Variants in PCNT observed in about 807,000 individuals in gnomAD.
The protein encoded by PCNT is kendrin.
In PCNT, 319 loss-of-function variants were observed where a neutral mutation model predicts 380.4. That is an observed-to-expected ratio of 0.84 (90% CI 0.77 to 0.92). The LOEUF is 0.92. Among genes scored for constraint, PCNT ranks in the 40% least tolerant of loss-of-function variants. The pLI is 0.00. For missense variants in PCNT, 4,400 were observed against 4,255.3 expected, an observed-to-expected ratio of 1.03 and a Z score of -0.95; for synonymous variants, 1,845 against 1,735.2, an observed-to-expected ratio of 1.06 and a Z score of -1.57.
intron 3 of PCNT, among the ~76,000 whole-genome samples, chr21:46,341,515 C>T (rs2083909182): frequency 6.6e-6 from 1 of 151,798 alleles, no homozygotes. Flanking sequence ...TTTCTCACGT[C>T]TAGTAAGGCA....
chr21:46,430,798 CTG>C, intron 37 of PCNT, 141 bp downstream of exon 37: 2 of 1,517,646 alleles, frequency 1.3e-6, no homozygotes, highest in Admixed American at 4.0e-5. Flanking sequence ...CAGGATAGGG[CTG>C]TGTTTGCAGG....
At chr21:46,393,962 T>C (rs562317103) in intron 21 of PCNT, among the ~76,000 whole-genome samples, 1 of 152,310 alleles carries the variant, frequency 6.6e-6, no homozygotes, top group Admixed American at 6.5e-5. Flanking sequence ...CGGGAGTGGA[T>C]CTCATGGAGC....
intron 2 of PCNT, among the ~76,000 whole-genome samples, chr21:46,328,024 G>A (rs1019739196): frequency 1.3e-5 from 2 of 152,230 alleles, no homozygotes; most frequent in Non-Finnish European, 1.5e-5. Context: ...GGCCTTAGGT[G>A]TTGAGTGTCC....
intron 40 of PCNT, 40 bp downstream of exon 40, chr21:46,437,121 C>CTGGGGGAGGAG: frequency 2.9e-6 from 4 of 1,381,828 alleles, no homozygotes; most frequent in Non-Finnish European, 4.1e-6. Context: ...CCTGGCTCCT[C>CTGGGGGAGGAG]CCCCAGAGGG....
At chr21:46,411,077 A>G in intron 27 of PCNT, 112 bp from the exon 28 acceptor site, 1 of 1,137,214 alleles carries the variant, frequency 8.8e-7, no homozygotes. Context: ...TTTGTTTTTC[A>G]CGCTATGGAG....
At chr21:46,329,993 A>T (rs544410397) in intron 2 of PCNT, among the ~76,000 whole-genome samples, 3 of 152,182 alleles carry the variant, frequency 2.0e-5, no homozygotes, top group Non-Finnish European at 4.4e-5. Flanking sequence ...CTTCCTGTCC[A>T]TTGGCTCTAA....
chr21:46,439,258 C>T (rs1227937287), intron 41 of PCNT, among the ~76,000 whole-genome samples: 1 of 152,176 alleles, frequency 6.6e-6, no homozygotes, highest in African/African-American at 2.4e-5. Context: ...CTCCGCCTGC[C>T]ACAGGCCCTG....
At chr21:46,371,797 G>A (rs1220988163) in intron 15 of PCNT, among the ~76,000 whole-genome samples, 1 of 151,116 alleles carries the variant, frequency 6.6e-6, no homozygotes, top group Non-Finnish European at 1.5e-5. Flanking sequence ...CACAGCACAT[G>A]TGCACACACA....
At chr21:46,406,613 G>A (rs1229678529) in intron 27 of PCNT, among the ~76,000 whole-genome samples, 7 of 152,086 alleles carry the variant, frequency 4.6e-5, no homozygotes, top group Admixed American at 1.3e-4. Flanking sequence ...TTATTACAAT[G>A]TCTAGCACTC....
At chr21:46,350,566 G>A (rs185526809) in intron 8 of PCNT, among the ~76,000 whole-genome samples, 1 of 152,344 alleles carries the variant, frequency 6.6e-6, no homozygotes, top group Admixed American at 6.5e-5. Flanking sequence ...AGAAATTAAA[G>A]CATAAATCAG....
chr21:46,410,434 G>T (rs1359343194), intron 27 of PCNT, among the ~76,000 whole-genome samples: 2 of 152,176 alleles, frequency 1.3e-5, no homozygotes, highest in Non-Finnish European at 2.9e-5. Flanking sequence ...AATTGTTAGA[G>T]CACAAATGGA....
Position 46,360,380 on chromosome 21 carries a change from C to T in PCNT, c.2155-3100C>T, listed in dbSNP as rs1246157995. 4.5e-5 allele frequency among the ~76,000 whole-genome samples: 4 copies of T among 88,386 alleles called. No homozygotes were observed. The East Asian group carries it at 9.1e-4, about 20-fold the overall frequency. 58.0% of individuals were successfully genotyped at this position (88,386 alleles called of 152,430 possible). A position where few individuals can be genotyped will look rare whatever the true frequency, so the allele number is the denominator to read the frequency against. On this transcript the variant is annotated intron_variant, in intron 13 of 46. Coordinates refer to ENST00000359568, the MANE Select transcript of PCNT (RefSeq NM_006031.6). ...CTGGGACTACAGGCGCCCGCCACCA[C>T]GCCTGGCTAGTTTTTTTTTTACATT...
intron 38 of PCNT, among the ~76,000 whole-genome samples, chr21:46,433,655 G>T (rs2148005821): frequency 1.3e-5 from 2 of 152,224 alleles, no homozygotes; most frequent in Non-Finnish European, 2.9e-5. Flanking sequence ...CTTTAATTTT[G>T]ATTGTTTCTT....
In PCNT at chr21:46,389,181, C is replaced by T. The variant is rs1054694879; in HGVS notation, c.3608-18C>T. ...TTGCTCACTGAGCCGCGTGTGCCGG[C>T]ATCTGCTCATCTTGTAGCTCCGGCG... On this transcript the variant is annotated intron_variant, in intron 18 of 46. Transcript: ENST00000359568. The T allele has an allele frequency of 2.2e-5, 35 of 1,608,768 alleles. No individual in the cohort carries two copies. The highest frequency in any genetic ancestry group is 2.9e-5 in the Non-Finnish European group (34 of 1,175,308).
chr21:46,357,297 A>G, intron 13 of PCNT, 106 bp downstream of exon 13: 2 of 823,790 alleles, frequency 2.4e-6, no homozygotes, highest in South Asian at 2.7e-5. Flanking sequence ...GGGACAGCCC[A>G]GTGCTGTACA....
chr21:46,436,844 G>C, intron 39 of PCNT, 135 bp from the exon 40 acceptor site: 1 of 731,284 alleles, frequency 1.4e-6, no homozygotes, highest in South Asian at 1.5e-5. Context: ...CTGCCTCACG[G>C]CTGGACGAAG....
chr21:46,383,542 C>T (rs2085678071), intron 16 of PCNT, among the ~76,000 whole-genome samples: 1 of 142,376 alleles, frequency 7.0e-6, no homozygotes, highest in African/African-American at 2.6e-5. Flanking sequence ...AGCGCATTCA[C>T]AGTGTTGTAT....
intron 14 of PCNT, 24 bp downstream of exon 14, chr21:46,363,958 G>A (rs766854283): frequency 1.9e-6 from 3 of 1,595,368 alleles, no homozygotes; most frequent in Non-Finnish European, 2.6e-6. Context: ...GACGCCATCT[G>A]CAGTCCCTGT....
intron 27 of PCNT, among the ~76,000 whole-genome samples, chr21:46,408,068 A>G (rs2086671897): frequency 6.6e-6 from 1 of 152,222 alleles, no homozygotes; most frequent in Non-Finnish European, 1.5e-5. Context: ...ATAAATTTTG[A>G]AAAAAGGATT....
Sources: allele counts gnomAD v4.1 joint callset (sites outside exome capture counted in the v4.1 genomes callset), GRCh38; gene constraint gnomAD v4.1.1; transcripts MANE v1.5; gene names NCBI Gene and HGNC (gene_info 2026-07-23, HGNC 2026-07-21).